The following CNTN5 variants were observed in gnomAD, a reference collection of about 807,000 sequenced individuals.
The protein encoded by CNTN5 is contactin-5.
CNTN5 carries 77 observed loss-of-function variants against 129.1 expected under a neutral mutation model. The observed-to-expected ratio is 0.60, with a 90% confidence interval of 0.50 to 0.72. CNTN5 has a LOEUF of 0.72. Ranked by LOEUF, CNTN5 falls within the 30% of genes least tolerant of loss-of-function variation. The pLI, the probability that CNTN5 is intolerant of heterozygous loss-of-function variation, is 0.00. For synonymous variants in CNTN5, 509 were observed against 465.6 expected (o/e 1.09, Z -1.20); for missense variants, 1,478 against 1,328.8 (o/e 1.11, Z -1.75).
chr11:100,226,233 T>C (rs1453405694), intron 16 of CNTN5, among the ~76,000 whole-genome samples: 1 of 152,158 alleles, frequency 6.6e-6, no homozygotes, highest in African/African-American at 2.4e-5. Context: ...GTCAAATTCA[T>C]AGAAATTTGC....
At chr11:100,001,942 A>G (rs1484900772) in intron 8 of CNTN5, 92 bp from the exon 9 acceptor site, 1 of 921,390 alleles carries the variant, frequency 1.1e-6, no homozygotes, top group Non-Finnish European at 1.6e-6. Flanking sequence ...ATTAACAACC[A>G]AACCACAGTG....
chr11:100,096,320 C>A (rs946666595), intron 13 of CNTN5, among the ~76,000 whole-genome samples: 5 of 151,912 alleles, frequency 3.3e-5, no homozygotes, highest in Non-Finnish European at 7.4e-5. Flanking sequence ...ATTGGTTTTG[C>A]GAGAATTAAA....
intron 2 of CNTN5, among the ~76,000 whole-genome samples, chr11:99,407,627 A>G (rs967675635): frequency 2.0e-5 from 3 of 152,152 alleles, no homozygotes; most frequent in Non-Finnish European, 4.4e-5. Flanking sequence ...GTTCAGCACT[A>G]GGACTCACCT....
At chr11:99,486,288 A>G (rs1239267257) in intron 2 of CNTN5, among the ~76,000 whole-genome samples, 2 of 152,080 alleles carry the variant, frequency 1.3e-5, no homozygotes, top group African/African-American at 4.8e-5. Flanking sequence ...TTATATAATA[A>G]TATTTCCATT....
chr11:99,221,724 C>A (rs1221767399), intron 1 of CNTN5, among the ~76,000 whole-genome samples: 1 of 151,744 alleles, frequency 6.6e-6, no homozygotes, highest in Non-Finnish European at 1.5e-5. Flanking sequence ...AATACTCATG[C>A]CTTTTGTATT....
intron 3 of CNTN5, among the ~76,000 whole-genome samples, chr11:99,753,750 AT>A (rs1454658483): frequency 2.1e-5 from 3 of 140,670 alleles, no homozygotes; most frequent in Non-Finnish European, 4.5e-5. Context: ...GTGCAGTGTC[AT>A]GATCTCGGCT....
intron 2 of CNTN5, among the ~76,000 whole-genome samples, chr11:99,454,475 G>T (rs769944111): frequency 3.3e-5 from 5 of 151,924 alleles, no homozygotes; most frequent in Non-Finnish European, 7.4e-5. Context: ...TCCTTCGCTC[G>T]GCACTTCTTC....
chr11:99,680,966 G>A (rs546900848), intron 3 of CNTN5, among the ~76,000 whole-genome samples: 1 of 152,058 alleles, frequency 6.6e-6, no homozygotes, highest in East Asian at 2.0e-4. Flanking sequence ...ACATTAACAA[G>A]AGTTTAGAAG....
At chr11:99,334,267 A>G (rs1866126671) in intron 2 of CNTN5, among the ~76,000 whole-genome samples, 1 of 152,080 alleles carries the variant, frequency 6.6e-6, no homozygotes, top group Non-Finnish European at 1.5e-5. Context: ...CTAGAAATAC[A>G]CACAGGACTA....
intron 7 of CNTN5, among the ~76,000 whole-genome samples, chr11:99,937,901 G>A (rs750357661): frequency 3.9e-5 from 6 of 152,158 alleles, no homozygotes; most frequent in Non-Finnish European, 8.8e-5. Context: ...AGTTTAGCCT[G>A]TTGTGCATAG....
intron 9 of CNTN5, among the ~76,000 whole-genome samples, chr11:100,055,081 A>C (rs1943151134): frequency 3.3e-5 from 5 of 151,168 alleles, no homozygotes; most frequent in Non-Finnish European, 7.4e-5. Context: ...GACCAAAAAA[A>C]CAAAAAGGAT....
At chr11:99,990,850 G>T (rs575785102) in intron 8 of CNTN5, among the ~76,000 whole-genome samples, 3 of 151,984 alleles carry the variant, frequency 2.0e-5, no homozygotes, top group African/African-American at 4.8e-5. Context: ...ATAATCTAAC[G>T]TACTACTAGA....
intron 13 of CNTN5, among the ~76,000 whole-genome samples, chr11:100,082,157 A>G (rs1034188836): frequency 3.9e-5 from 6 of 152,234 alleles, no homozygotes; most frequent in Non-Finnish European, 8.8e-5. Context: ...GTTAATAAAT[A>G]TCAGGAGTTG....
rs370798508 is a variant in CNTN5 at position 100,074,141 on chromosome 11, T to C, written c.1430-3T>C. ...TAGAAACTAACATTTGCTTTTTTAATAGCTTCAGCTCCCACTTTTGCACTG... is the reference window on the plus strand; with the variant it reads ...TAGAAACTAACATTTGCTTTTTTAACAGCTTCAGCTCCCACTTTTGCACTG... On this transcript the variant is annotated splice_polypyrimidine_tract_variant and splice_region_variant and intron_variant, in intron 12 of 24. Transcript: ENST00000524871. The C allele has an allele frequency of 1.2e-6, 2 of 1,605,564 alleles. No homozygotes were observed. Among genetic ancestry groups the C allele is most frequent in the South Asian group, 1.1e-5 (1 of 90,108 alleles).
intron 2 of CNTN5, among the ~76,000 whole-genome samples, chr11:99,385,542 G>A (rs1008527855): frequency 8.5e-5 from 13 of 152,294 alleles, no homozygotes; most frequent in Non-Finnish European, 1.9e-4. Context: ...GTTATGGTTA[G>A]ATTGCATAGG....
At chr11:99,647,847 A>G (rs1430998337) in intron 3 of CNTN5, among the ~76,000 whole-genome samples, 2 of 151,590 alleles carry the variant, frequency 1.3e-5, no homozygotes, top group Admixed American at 6.6e-5. Context: ...TTATTTGTGT[A>G]TAGAAACACT....
chr11:99,594,276 T>C (rs1189165576), intron 3 of CNTN5, among the ~76,000 whole-genome samples: 1 of 152,184 alleles, frequency 6.6e-6, no homozygotes, highest in African/African-American at 2.4e-5. Flanking sequence ...TTTTGCTGAG[T>C]GGAGTGCTTT....
intron 9 of CNTN5, among the ~76,000 whole-genome samples, chr11:100,048,805 T>C (rs1017424878): frequency 6.6e-6 from 1 of 152,110 alleles, no homozygotes; most frequent in African/African-American, 2.4e-5. Context: ...ATTATCTGTA[T>C]TGTTGTAAAA....
chr11:100,080,053 A>G (rs11222688), intron 13 of CNTN5, among the ~76,000 whole-genome samples: 17,411 of 152,188 alleles, frequency 0.11, 1,031 homozygotes, highest in Admixed American at 0.13. Flanking sequence ...TGATAAAGGT[A>G]TAGTTTATTT....
Sources: gnomAD v4.1 joint callset for allele counts (sites outside exome capture counted in the v4.1 genomes callset) on GRCh38, gnomAD v4.1.1 for gene constraint, MANE v1.5 for transcripts, NCBI Gene and HGNC (gene_info 2026-07-23, HGNC 2026-07-21) for gene names.